ST6GALNAC3: variants seen among roughly 807,000 people sequenced by gnomAD.
The protein encoded by ST6GALNAC3 is alpha-N-acetylgalactosaminide alpha-2,6-sialyltransferase 3.
Under a neutral mutation model 32.7 loss-of-function variants are expected in ST6GALNAC3, and 25 were observed. The observed-to-expected ratio is 0.76, with a 90% CI of 0.56 to 1.07. The LOEUF is 1.07. ST6GALNAC3 is among the 50% of genes least tolerant of loss of function. The probability of loss-of-function intolerance (pLI) is 0.00; values close to 1 mark genes in which losing one functional copy is unlikely to be tolerated. For synonymous variants in ST6GALNAC3, 129 were observed against 133.1 expected (o/e 0.97, Z 0.21); for missense variants, 355 against 382.4 (o/e 0.93, Z 0.60).
chr1:76,274,828 A>G (rs576985683), intron 1 of ST6GALNAC3, among the ~76,000 whole-genome samples: 19 of 152,298 alleles, frequency 1.2e-4, no homozygotes, highest in African/African-American at 4.6e-4. Context: ...CCTTTCACCA[A>G]CAGTTTGTTA....
At chr1:76,420,980 A>G (rs576787194) in intron 3 of ST6GALNAC3, among the ~76,000 whole-genome samples, 46 of 152,096 alleles carry the variant, frequency 3.0e-4, no homozygotes, top group Admixed American at 2.0e-3. Flanking sequence ...TAATCTCTTC[A>G]AGTGGTCCAT....
At chr1:76,308,979 C>G (rs1285590329) in intron 1 of ST6GALNAC3, among the ~76,000 whole-genome samples, 1 of 152,144 alleles carries the variant, frequency 6.6e-6, no homozygotes, top group Non-Finnish European at 1.5e-5. Context: ...AGTTTTCTGA[C>G]CAAATTAATG....
In ST6GALNAC3 at chr1:76,494,429, G is replaced by C. The variant is rs1205972384; in HGVS notation, c.623+82012G>C. On this transcript the variant is annotated intron_variant, in intron 3 of 4. Transcript: ENST00000328299. ...TAGGACTAATAGGATGTGTGCATGT[G>C]TATATATATATATATATATATATAT... Among the ~76,000 whole-genome samples, 22 of 53,434 alleles carry C rather than the reference G, an allele frequency of 4.1e-4. No individual in the cohort carries two copies. In the Admixed American group the frequency reaches 5.2e-3, roughly 13 times the overall value. 35.1% of individuals were successfully genotyped at this position (53,434 alleles called of 152,430 possible). A position where few individuals can be genotyped will look rare whatever the true frequency, so the allele number is the denominator to read the frequency against.
chr1:76,325,190 T>C (rs1429724943), intron 2 of ST6GALNAC3, among the ~76,000 whole-genome samples: 1 of 152,240 alleles, frequency 6.6e-6, no homozygotes, highest in Non-Finnish European at 1.5e-5. Context: ...AAATTTGAAA[T>C]ATACTAGTCT....
At chr1:76,359,504 A>G (rs1477756784) in intron 2 of ST6GALNAC3, among the ~76,000 whole-genome samples, 1 of 152,172 alleles carries the variant, frequency 6.6e-6, no homozygotes, top group Non-Finnish European at 1.5e-5. Flanking sequence ...GAACTACCAG[A>G]AGTTAGCAGA....
chr1:76,357,464 A>G (rs1235743687), intron 2 of ST6GALNAC3, among the ~76,000 whole-genome samples: 2 of 151,826 alleles, frequency 1.3e-5, no homozygotes, highest in Admixed American at 6.6e-5. Context: ...ATGTCTTCCA[A>G]TTTCCTTCCT....
At chr1:76,185,181 A>G (rs545953426) in intron 1 of ST6GALNAC3, among the ~76,000 whole-genome samples, 46 of 152,256 alleles carry the variant, frequency 3.0e-4, no homozygotes, top group African/African-American at 1.1e-3. Context: ...AGGACTTCCT[A>G]TCCCAGGTCA....
intron 3 of ST6GALNAC3, among the ~76,000 whole-genome samples, chr1:76,603,849 G>A (rs1003623145): frequency 6.6e-6 from 1 of 151,966 alleles, no homozygotes; most frequent in Admixed American, 6.6e-5. Flanking sequence ...AAGCTTGGTC[G>A]TTTATTATTC....
chr1:76,504,547 A>G (rs890022130), intron 3 of ST6GALNAC3, among the ~76,000 whole-genome samples: 1 of 152,190 alleles, frequency 6.6e-6, no homozygotes, highest in Non-Finnish European at 1.5e-5. Context: ...GAAGAATTAT[A>G]CTTTCATACC....
chr1:76,517,156 T>A (rs1392875008), intron 3 of ST6GALNAC3, among the ~76,000 whole-genome samples: 1 of 151,830 alleles, frequency 6.6e-6, no homozygotes, highest in African/African-American at 2.4e-5. Flanking sequence ...TTGATTGAAA[T>A]TTTATCTATA....
intron 1 of ST6GALNAC3, among the ~76,000 whole-genome samples, chr1:76,223,540 T>A (rs1655899328): frequency 6.6e-6 from 1 of 152,116 alleles, no homozygotes; most frequent in African/African-American, 2.4e-5. Context: ...AACCTGCACA[T>A]GTACCCCTGA....
At chr1:76,191,999 G>A (rs1186773495) in intron 1 of ST6GALNAC3, among the ~76,000 whole-genome samples, 2 of 152,094 alleles carry the variant, frequency 1.3e-5, no homozygotes, top group Non-Finnish European at 2.9e-5. Context: ...GATGGGTATG[G>A]GAAAGAACAG....
intron 1 of ST6GALNAC3, among the ~76,000 whole-genome samples, chr1:76,244,322 G>T (rs1657137333): frequency 6.6e-6 from 1 of 152,118 alleles, no homozygotes; most frequent in Non-Finnish European, 1.5e-5. Flanking sequence ...TGCTGAAGTT[G>T]CTTATCAGCG....
At chr1:76,244,150 A>G (rs1240877906) in intron 1 of ST6GALNAC3, among the ~76,000 whole-genome samples, 1 of 152,022 alleles carries the variant, frequency 6.6e-6, no homozygotes, top group East Asian at 1.9e-4. Flanking sequence ...TTCTTCTTGA[A>G]GAGGTCCTTC....
At chr1:76,227,959 T>A (rs1656168107) in intron 1 of ST6GALNAC3, among the ~76,000 whole-genome samples, 3 of 152,158 alleles carry the variant, frequency 2.0e-5, no homozygotes. Context: ...AAAAAAAGTC[T>A]AAAACCTGCA....
At chr1:76,237,533 A>G (rs1470226661) in intron 1 of ST6GALNAC3, among the ~76,000 whole-genome samples, 4 of 152,196 alleles carry the variant, frequency 2.6e-5, no homozygotes, top group Admixed American at 2.6e-4. Context: ...CCCTATATCA[A>G]GCCATGCCTG....
At chr1:76,373,345 T>C (rs1340085813) in intron 2 of ST6GALNAC3, among the ~76,000 whole-genome samples, 1 of 152,204 alleles carries the variant, frequency 6.6e-6, no homozygotes, top group Non-Finnish European at 1.5e-5. Context: ...TCAAGGTCCT[T>C]GTGGGAAGTA....
chr1:76,377,442 A>C (rs1388026241), intron 2 of ST6GALNAC3, among the ~76,000 whole-genome samples: 2 of 141,126 alleles, frequency 1.4e-5, no homozygotes, highest in Non-Finnish European at 3.1e-5. Flanking sequence ...AAGGGGAAGC[A>C]AGCACATCTT....
chr1:76,616,074 C>T (rs1278795811), intron 3 of ST6GALNAC3, among the ~76,000 whole-genome samples: 1 of 152,126 alleles, frequency 6.6e-6, no homozygotes, highest in East Asian at 1.9e-4. Flanking sequence ...GGAGGGTGTG[C>T]ACAGAAGAAC....
Sources: gnomAD v4.1 joint callset for allele counts (sites outside exome capture counted in the v4.1 genomes callset) on GRCh38, gnomAD v4.1.1 for gene constraint, MANE v1.5 for transcripts, NCBI Gene and HGNC (gene_info 2026-07-23, HGNC 2026-07-21) for gene names.